Variants in UNC13C observed in about 807,000 individuals in gnomAD.
UNC13C encodes the protein protein unc-13 homolog C.
In UNC13C, 174 loss-of-function variants were observed where a neutral mutation model predicts 245.4. The ratio of observed to expected loss-of-function variants is 0.71; its 90% confidence interval spans 0.63 to 0.80. The LOEUF is 0.80. UNC13C is among the 30% of genes least tolerant of loss of function. UNC13C has a pLI of 0.00. For missense variants in UNC13C, 2,829 were observed against 2,602.9 expected (o/e 1.09, Z -1.89); for synonymous variants, 992 against 895.1 (o/e 1.11, Z -1.93).
intron 18 of UNC13C, among the ~76,000 whole-genome samples, chr15:54,405,609 T>G (rs942804109): frequency 5.3e-5 from 8 of 152,130 alleles, no homozygotes; most frequent in African/African-American, 1.9e-4. Context: ...AAAACACTAT[T>G]ATGGAAATAT....
chr15:54,417,111 T>C (rs527554460), intron 19 of UNC13C: 8 of 364,916 alleles, frequency 2.2e-5, no homozygotes, highest in African/African-American at 1.7e-4. Context: ...GATTTGATTA[T>C]GTATGTGTCT....
chr15:54,279,403 C>T (rs536836827), intron 10 of UNC13C, among the ~76,000 whole-genome samples: 2 of 152,260 alleles, frequency 1.3e-5, no homozygotes, highest in African/African-American at 4.8e-5. Flanking sequence ...TTTGTATAAG[C>T]CTGTACTGTG....
intron 8 of UNC13C, among the ~76,000 whole-genome samples, chr15:54,256,696 A>G (rs68018837): frequency 0.28 from 41,930 of 152,018 alleles, 6,021 homozygotes; most frequent in African/African-American, 0.34. Flanking sequence ...CGAAAACACT[A>G]TACAATAAAG....
intron 4 of UNC13C, among the ~76,000 whole-genome samples, chr15:54,163,003 G>A (rs1038038968): frequency 6.6e-6 from 1 of 152,184 alleles, no homozygotes; most frequent in East Asian, 1.9e-4. Context: ...CTTTTCTTCT[G>A]TCTCACTCCT....
chr15:54,063,846 T>C (rs1011299639), intron 2 of UNC13C, among the ~76,000 whole-genome samples: 5 of 152,108 alleles, frequency 3.3e-5, no homozygotes, highest in African/African-American at 1.2e-4. Context: ...AGAGAGTCTG[T>C]CATTGAGAAG....
intron 19 of UNC13C, among the ~76,000 whole-genome samples, chr15:54,451,100 T>C (rs1286767085): frequency 1.3e-5 from 2 of 152,186 alleles, no homozygotes; most frequent in Non-Finnish European, 2.9e-5. Flanking sequence ...TTTTGTTAAA[T>C]AGAGTTTTTT....
intron 17 of UNC13C, among the ~76,000 whole-genome samples, chr15:54,353,174 T>C (rs1397941345): frequency 2.0e-5 from 3 of 152,138 alleles, no homozygotes; most frequent in Non-Finnish European, 4.4e-5. Flanking sequence ...ACACAGTCAG[T>C]ATCCTCATGG....
At chr15:54,120,708 A>G (rs1043296638) in intron 2 of UNC13C, among the ~76,000 whole-genome samples, 13 of 152,052 alleles carry the variant, frequency 8.5e-5, no homozygotes, top group African/African-American at 2.9e-4. Flanking sequence ...CATTAAGGCC[A>G]TTTGTGATTC....
chr15:54,573,472 G>T (rs1354092096), intron 30 of UNC13C, among the ~76,000 whole-genome samples: 1 of 152,202 alleles, frequency 6.6e-6, no homozygotes, highest in Non-Finnish European at 1.5e-5. Context: ...GTGGAACTGA[G>T]AATTTAATAT....
At chr15:54,051,883 G>A (rs1897283379) in intron 2 of UNC13C, among the ~76,000 whole-genome samples, 1 of 141,682 alleles carries the variant, frequency 7.1e-6, no homozygotes, top group African/African-American at 2.7e-5. Context: ...CTAGCATTAG[G>A]TATATCTCCC....
At chr15:53,928,943 C>A in the UNC13C span, among the ~76,000 whole-genome samples, 1 of 152,096 alleles carries the variant, frequency 6.6e-6, no homozygotes, top group Admixed American at 6.5e-5. Flanking sequence ...TACATCATGA[C>A]AAGAGTCATG....
Position 54,014,722 on chromosome 15 carries a change from A to C in UNC13C, c.1819A>C (p.Asn607His). Residue 607 changes from asparagine (N) to histidine (H), a missense_variant, in exon 2 of 33, where the codon AAT (asparagine) becomes CAT (histidine). Transcript: ENST00000260323. ...LYDSPKDQHL[N>H]GGVQGIQGQT... is the part of the protein sequence containing the mutation. ...TGACAGTCCCAAGGACCAGCATTTG[A>C]ATGGAGGTGTTCAGGGTATCCAAGG... 1.9e-6 allele frequency: 3 copies of C among 1,613,888 alleles called. No individual in the cohort carries two copies. Among genetic ancestry groups the C allele is most frequent in the Non-Finnish European group, 2.5e-6 (3 of 1,179,848 alleles).
chr15:54,514,512 A>T (rs1446559147), intron 24 of UNC13C, among the ~76,000 whole-genome samples: 1 of 152,256 alleles, frequency 6.6e-6, no homozygotes, highest in African/African-American at 2.4e-5. Flanking sequence ...TAAATAGCAA[A>T]TAATTGCTTG....
At chr15:54,535,239 A>G (rs1895936976) in intron 26 of UNC13C, among the ~76,000 whole-genome samples, 1 of 152,172 alleles carries the variant, frequency 6.6e-6, no homozygotes, top group East Asian at 1.9e-4. Context: ...CAGACAAAAT[A>G]GGCTTTTAAC....
At chr15:53,906,328 G>C in the UNC13C span, among the ~76,000 whole-genome samples, 4 of 152,098 alleles carry the variant, frequency 2.6e-5, no homozygotes, top group Non-Finnish European at 5.9e-5. Flanking sequence ...AAAAAAAGAA[G>C]TCTCTGTAAT....
At chr15:54,420,325 A>C (rs941953364) in intron 19 of UNC13C, among the ~76,000 whole-genome samples, 28 of 152,066 alleles carry the variant, frequency 1.8e-4, no homozygotes, top group Non-Finnish European at 8.8e-5. Context: ...TGTTCTCAGC[A>C]TGGACCTCTC....
chr15:54,065,014 A>G (rs184406310), intron 2 of UNC13C, among the ~76,000 whole-genome samples: 179 of 152,322 alleles, frequency 1.2e-3, no homozygotes, highest in Non-Finnish European at 2.2e-3. Context: ...TTTAAGATTC[A>G]TTCACCCCAA....
intron 19 of UNC13C, among the ~76,000 whole-genome samples, chr15:54,463,620 C>G (rs1356450516): frequency 1.3e-5 from 2 of 152,054 alleles, no homozygotes; most frequent in Non-Finnish European, 2.9e-5. Context: ...CACGAACCCA[C>G]CAGAAGGAAG....
chr15:54,227,979 T>C (rs2035440234), intron 4 of UNC13C, among the ~76,000 whole-genome samples: 1 of 152,200 alleles, frequency 6.6e-6, no homozygotes, highest in East Asian at 1.9e-4. Context: ...AGAGATGCCA[T>C]CCAGGAGCTG....
Sources: gnomAD v4.1 joint callset for allele counts (sites outside exome capture counted in the v4.1 genomes callset) on GRCh38, gnomAD v4.1.1 for gene constraint, MANE v1.5 for transcripts, NCBI Gene and HGNC (gene_info 2026-07-23, HGNC 2026-07-21) for gene names.